Variants in MAGI2 observed in about 807,000 individuals in gnomAD.
MAGI2 encodes membrane-associated guanylate kinase, WW and PDZ domain-containing protein 2.
A neutral mutation model predicts 133.3 loss-of-function variants in MAGI2; 35 were observed. The observed-to-expected ratio is 0.26, with a 90% CI of 0.20 to 0.35. The LOEUF (loss-of-function observed/expected upper bound fraction) is 0.35, where lower values mean the gene tolerates loss of function less well. MAGI2 is among the 10% of genes least tolerant of loss of function. MAGI2 has a pLI of 1.00. For synonymous variants in MAGI2, 729 were observed against 710.6 expected (o/e 1.03, Z -0.41); for missense variants, 1,636 against 1,863.4 (o/e 0.88, Z 2.25).
chr7:78,082,493 G>C (rs1337267821), intron 20 of MAGI2, among the ~76,000 whole-genome samples: 1 of 152,022 alleles, frequency 6.6e-6, no homozygotes, highest in Non-Finnish European at 1.5e-5. Context: ...CCATAATTTC[G>C]GCTTTCCATG....
intron 20 of MAGI2, among the ~76,000 whole-genome samples, chr7:78,105,044 C>T (rs1818547068): frequency 6.6e-6 from 1 of 152,204 alleles, no homozygotes; most frequent in South Asian, 2.1e-4. Context: ...TGCTTTTCCT[C>T]ATAGTTTATA....
chr7:78,991,189 C>T (rs1218862079), intron 2 of MAGI2, among the ~76,000 whole-genome samples: 3 of 151,968 alleles, frequency 2.0e-5, no homozygotes, highest in Middle Eastern at 3.4e-3. Context: ...TGCCTTCCAC[C>T]GTGATTGTAA....
chr7:78,610,808 A>T (rs17151134), intron 3 of MAGI2, among the ~76,000 whole-genome samples: 6,973 of 152,288 alleles, frequency 0.046, 225 homozygotes, highest in East Asian at 0.077. Flanking sequence ...AGGAAAGTGA[A>T]GTCAAGGAGG....
At chr7:78,433,870 T>C (rs371691279) in intron 6 of MAGI2, among the ~76,000 whole-genome samples, 2 of 152,274 alleles carry the variant, frequency 1.3e-5, no homozygotes, top group East Asian at 3.9e-4. Context: ...ATTTTACATT[T>C]TAGGGTTCCA....
At chr7:78,942,891 T>TG (rs1801099953) in intron 2 of MAGI2, among the ~76,000 whole-genome samples, 1 of 109,116 alleles carries the variant, frequency 9.2e-6, no homozygotes, top group Admixed American at 9.6e-5. Flanking sequence ...GCGTAGTAAG[T>TG]GAAAAAAAAA....
chr7:78,102,918 A>AC (rs546114982), intron 20 of MAGI2, among the ~76,000 whole-genome samples: 2 of 151,966 alleles, frequency 1.3e-5, no homozygotes, highest in South Asian at 4.2e-4. Flanking sequence ...TTCCATACCT[A>AC]CCCGGGGGGA....
chr7:78,648,380 A>G (rs1811131686), intron 2 of MAGI2, among the ~76,000 whole-genome samples: 1 of 152,222 alleles, frequency 6.6e-6, no homozygotes, highest in African/African-American at 2.4e-5. Flanking sequence ...AGAAGCCTTC[A>G]TATACCCAGG....
intron 1 of MAGI2, among the ~76,000 whole-genome samples, chr7:79,064,061 G>A (rs1426732067): frequency 6.6e-6 from 1 of 152,040 alleles, no homozygotes; most frequent in Admixed American, 6.6e-5. Flanking sequence ...CTTTTGATGA[G>A]AAATTATGTC....
intron 16 of MAGI2, among the ~76,000 whole-genome samples, chr7:78,137,297 T>C (rs1343251961): frequency 2.6e-5 from 4 of 152,202 alleles, no homozygotes; most frequent in African/African-American, 9.6e-5. Flanking sequence ...CTAACTTCTC[T>C]GAGTCTGTTT....
At chr7:78,987,899 A>G (rs932907249) in intron 2 of MAGI2, among the ~76,000 whole-genome samples, 2 of 151,998 alleles carry the variant, frequency 1.3e-5, no homozygotes, top group African/African-American at 2.4e-5. Context: ...ATATCTTACT[A>G]TTTTCAAGAA....
intron 1 of MAGI2, among the ~76,000 whole-genome samples, chr7:79,449,877 C>CACATATATATATATATATATATATAT (rs1554488320): frequency 8.3e-6 from 1 of 120,626 alleles, no homozygotes; most frequent in African/African-American, 3.0e-5. Flanking sequence ...GAGATATATA[C>CACATATATATATATATATATATATAT]ATATATATAT....
chr7:78,250,507 G>C (rs903001895), intron 10 of MAGI2, among the ~76,000 whole-genome samples: 1 of 151,962 alleles, frequency 6.6e-6, no homozygotes, highest in Non-Finnish European at 1.5e-5. Flanking sequence ...AATCAAACAC[G>C]AAGTAAGCTG....
At chr7:78,732,695 C>T (rs1262284703) in intron 2 of MAGI2, among the ~76,000 whole-genome samples, 1 of 151,798 alleles carries the variant, frequency 6.6e-6, no homozygotes, top group African/African-American at 2.4e-5. Context: ...GGGAAAAGTA[C>T]AATGAAGAAA....
In MAGI2 at chr7:79,171,766, A is replaced by ATTTT. The variant is rs1259287214; in HGVS notation, c.302-164561_302-164560insAAAA. ...AAAATATATATATATATATATATAT[A>ATTTT]TATATTTTTTTTTTTTTTTTCTTTT... is the stretch of plus-strand genomic sequence containing the variant. On this transcript the variant is annotated intron_variant, in intron 1 of 21. Coordinates refer to ENST00000354212, the MANE Select transcript of MAGI2 (RefSeq NM_012301.4). 8.2e-4 allele frequency among the ~76,000 whole-genome samples: 19 copies of ATTTT among 23,266 alleles called. 1 individual carries two copies. Among genetic ancestry groups the ATTTT allele is most frequent in the South Asian group, 3.7e-3 (4 of 1,086 alleles). The allele number at this position is 23,266 out of a possible 152,430, so 15.3% of individuals were successfully genotyped here. A position where few individuals can be genotyped will look rare whatever the true frequency, so the allele number is the denominator to read the frequency against.
At chr7:78,849,732 G>A (rs767697788) in intron 2 of MAGI2, among the ~76,000 whole-genome samples, 91 of 152,036 alleles carry the variant, frequency 6.0e-4, no homozygotes, top group African/African-American at 2.0e-3. Context: ...TAAAGATGAC[G>A]TTTCTGACAC....
At chr7:78,726,763 A>T (rs1225887361) in intron 2 of MAGI2, among the ~76,000 whole-genome samples, 1 of 152,234 alleles carries the variant, frequency 6.6e-6, no homozygotes, top group Non-Finnish European at 1.5e-5. Context: ...CAGCTGTATA[A>T]TATTGCTACA....
At chr7:78,547,396 T>C (rs1407234792) in intron 3 of MAGI2, among the ~76,000 whole-genome samples, 4 of 152,226 alleles carry the variant, frequency 2.6e-5, no homozygotes, top group Non-Finnish European at 5.9e-5. Context: ...CAATAAGAAA[T>C]ATGGCAGGTT....
chr7:78,573,618 C>A (rs943226905), intron 3 of MAGI2, among the ~76,000 whole-genome samples: 1 of 150,088 alleles, frequency 6.7e-6, no homozygotes, highest in Admixed American at 6.7e-5. Flanking sequence ...TTGGATTTAC[C>A]TTTTAGGTTT....
At chr7:78,511,550 AATTT>A (rs1261999007) in intron 4 of MAGI2, among the ~76,000 whole-genome samples, 15 of 106,762 alleles carry the variant, frequency 1.4e-4, no homozygotes, top group African/African-American at 5.7e-4. Flanking sequence ...TATATATATA[AATTT>A]TTTTTTTTTT....
Sources: allele counts gnomAD v4.1 joint callset (sites outside exome capture counted in the v4.1 genomes callset), GRCh38; gene constraint gnomAD v4.1.1; transcripts MANE v1.5; gene names NCBI Gene and HGNC (gene_info 2026-07-23, HGNC 2026-07-21).